The following TRPM3 variants were observed in gnomAD, a reference collection of about 807,000 sequenced individuals.
TRPM3 encodes transient receptor potential cation channel subfamily M member 3.
In TRPM3, 77 loss-of-function variants were observed where a neutral mutation model predicts 181.2. The ratio of observed to expected loss-of-function variants is 0.42; its 90% CI spans 0.35 to 0.51. The LOEUF (loss-of-function observed/expected upper bound fraction) is 0.51, where lower values mean the gene tolerates loss of function less well. Ranked by LOEUF, TRPM3 falls within the 20% of genes least tolerant of loss-of-function variation. The pLI is 0.01. For synonymous variants in TRPM3, 745 were observed against 796.4 expected, an observed-to-expected ratio of 0.94 and a Z score of 1.09; for missense variants, 1,759 against 2,196.7, an observed-to-expected ratio of 0.80 and a Z score of 3.98.
chr9:70,817,104 T>C (rs913116491), intron 6 of TRPM3, among the ~76,000 whole-genome samples: 1 of 152,234 alleles, frequency 6.6e-6, no homozygotes, highest in African/African-American at 2.4e-5. Context: ...TGTCTCTCAA[T>C]ATCTAGTCTT....
At chr9:70,630,716 C>T (rs2133384931) in intron 12 of TRPM3, among the ~76,000 whole-genome samples, 1 of 152,314 alleles carries the variant, frequency 6.6e-6, no homozygotes, top group Admixed American at 6.5e-5. Context: ...TTTCCCATTT[C>T]ATGCCTTAAC....
intron 1 of TRPM3, among the ~76,000 whole-genome samples, chr9:71,444,471 A>G (rs537345744): frequency 2.9e-4 from 44 of 152,304 alleles, no homozygotes; most frequent in African/African-American, 1.0e-3. Flanking sequence ...GGATACCACA[A>G]TATTTTGGGG....
At chr9:70,781,520 T>C (rs545145195) in intron 7 of TRPM3, among the ~76,000 whole-genome samples, 2 of 151,828 alleles carry the variant, frequency 1.3e-5, no homozygotes, top group Non-Finnish European at 2.9e-5. Context: ...ATAATAATAC[T>C]AAAGTATAAT....
intron 7 of TRPM3, among the ~76,000 whole-genome samples, chr9:70,763,625 T>C (rs554557766): frequency 3.3e-5 from 5 of 152,336 alleles, no homozygotes; most frequent in Admixed American, 1.3e-4. Flanking sequence ...TGAAATCATT[T>C]ATTCATTCAT....
At chr9:71,160,166 C>T (rs2076210134) in intron 1 of TRPM3, among the ~76,000 whole-genome samples, 1 of 152,144 alleles carries the variant, frequency 6.6e-6, no homozygotes, top group African/African-American at 2.4e-5. Context: ...CTGGAGCATT[C>T]TCCCCTAAAA....
intron 1 of TRPM3, among the ~76,000 whole-genome samples, chr9:71,251,848 C>A (rs964879873): frequency 1.3e-5 from 2 of 152,110 alleles, no homozygotes; most frequent in African/African-American, 2.4e-5. Context: ...CTCCTGCCCC[C>A]ACCCTCCCAC....
chr9:71,096,240 G>A (rs2133976449), intron 1 of TRPM3, among the ~76,000 whole-genome samples: 1 of 149,256 alleles, frequency 6.7e-6, no homozygotes, highest in South Asian at 2.2e-4. Flanking sequence ...AATTGAAACA[G>A]CATAGACTGT....
At chr9:70,929,693 A>C (rs981952525) in intron 1 of TRPM3, among the ~76,000 whole-genome samples, 5 of 152,136 alleles carry the variant, frequency 3.3e-5, no homozygotes, top group African/African-American at 4.8e-5. Flanking sequence ...GTTAGGGAAA[A>C]ATTACTTCTC....
At chr9:71,194,620 T>A (rs372987686) in intron 1 of TRPM3, among the ~76,000 whole-genome samples, 16 of 151,918 alleles carry the variant, frequency 1.1e-4, no homozygotes, top group East Asian at 3.9e-4. Flanking sequence ...CATACTGAAC[T>A]CTGACGCAAG....
chr9:71,089,177 T>G (rs2065784181), intron 1 of TRPM3, among the ~76,000 whole-genome samples: 1 of 147,926 alleles, frequency 6.8e-6, no homozygotes, highest in African/African-American at 2.5e-5. Context: ...GAATATATAT[T>G]TTTATGATAC....
chr9:70,786,192 C>T (rs1000801333), intron 6 of TRPM3, among the ~76,000 whole-genome samples: 2 of 151,300 alleles, frequency 1.3e-5, no homozygotes, highest in Non-Finnish European at 2.9e-5. Context: ...TGGCCAGGCA[C>T]AGTGGCTCAT....
At chr9:70,909,192 G>T (rs2096508387) in intron 1 of TRPM3, among the ~76,000 whole-genome samples, 1 of 152,196 alleles carries the variant, frequency 6.6e-6, no homozygotes, top group Non-Finnish European at 1.5e-5. Flanking sequence ...TTAGTTTCCA[G>T]ACAGGACATA....
At chr9:71,167,235 T>A (rs1161487996) in intron 1 of TRPM3, among the ~76,000 whole-genome samples, 1 of 152,242 alleles carries the variant, frequency 6.6e-6, no homozygotes, top group Non-Finnish European at 1.5e-5. Flanking sequence ...AAAGCATGTA[T>A]TCATTTTAGC....
At chr9:71,195,778 TA>T (rs1442806785) in intron 1 of TRPM3, among the ~76,000 whole-genome samples, 1 of 152,020 alleles carries the variant, frequency 6.6e-6, no homozygotes, top group Admixed American at 6.6e-5. Flanking sequence ...TATGCAGTCA[TA>T]AAAAAGAATG....
chr9:70,651,731 C>CT (rs1465203794), intron 9 of TRPM3, among the ~76,000 whole-genome samples: 1 of 152,198 alleles, frequency 6.6e-6, no homozygotes, highest in East Asian at 1.9e-4. Flanking sequence ...TAGTTCCTAG[C>CT]TTCACCTAAC....
At chr9:71,248,604 A>T (rs1400085081) in intron 1 of TRPM3, among the ~76,000 whole-genome samples, 1 of 152,162 alleles carries the variant, frequency 6.6e-6, no homozygotes, top group Non-Finnish European at 1.5e-5. Context: ...TTTGTTGCAA[A>T]TCCTGTCTTA....
In TRPM3 at chr9:70,685,622, ATCTCAAACTCT is replaced by A. The variant is rs543364601; in HGVS notation, c.1273-4055_1273-4045del. Among the ~76,000 whole-genome samples the A allele has an allele frequency of 8.5e-5, 13 of 152,216 alleles. No homozygotes were observed. In the South Asian group the frequency reaches 2.7e-3, roughly 32 times the overall value. ...GGGTCTCACTATGTTGCCCAGAGCG[ATCTCAAACTCT>A]TGGACTTAAGCCATCCTCACACCTT... On this transcript the variant is annotated intron_variant, in intron 8 of 25. Coordinates refer to ENST00000677713, the MANE Select transcript of TRPM3 (RefSeq NM_001366145.2).
At chr9:71,034,031 C>T (rs1195066566) in intron 1 of TRPM3, among the ~76,000 whole-genome samples, 7 of 152,186 alleles carry the variant, frequency 4.6e-5, no homozygotes, top group Admixed American at 6.5e-5. Context: ...TCAGAGAAAA[C>T]CCATGCAGAC....
intron 8 of TRPM3, among the ~76,000 whole-genome samples, chr9:70,752,062 G>A (rs899870219): frequency 3.5e-5 from 5 of 142,184 alleles, no homozygotes; most frequent in East Asian, 2.2e-4. Context: ...GCGCGCGCGC[G>A]CATACACATG....
Sources: gnomAD v4.1 joint callset for allele counts (sites outside exome capture counted in the v4.1 genomes callset) on GRCh38, gnomAD v4.1.1 for gene constraint, MANE v1.5 for transcripts, NCBI Gene and HGNC (gene_info 2026-07-23, HGNC 2026-07-21) for gene names.